The following SOX13 variants were observed in gnomAD, a reference collection of about 807,000 sequenced individuals.
The protein encoded by SOX13 is SRY-box transcription factor 13, also known as transcription factor SOX-13.
Under a neutral mutation model 71.8 loss-of-function variants are expected in SOX13, and 28 were observed. That is an observed-to-expected ratio of 0.39 (90% CI 0.29 to 0.53). The LOEUF (loss-of-function observed/expected upper bound fraction) is 0.53, where lower values mean the gene tolerates loss of function less well. Ranked by LOEUF, SOX13 falls within the 20% of genes least tolerant of loss-of-function variation. The pLI, the probability that SOX13 is intolerant of heterozygous loss-of-function variation, is 0.70. For synonymous variants in SOX13, 309 were observed against 317.8 expected (o/e 0.97, Z 0.29); for missense variants, 627 against 810.3 (o/e 0.77, Z 2.75).
chr1:204,122,850 A>T lies in SOX13; in HGVS notation c.1025-4A>T. 1 of 1,544,546 alleles carries T rather than the reference A, an allele frequency of 6.5e-7. No homozygotes were observed. Among genetic ancestry groups the T allele is most frequent in the Non-Finnish European group, 8.8e-7 (1 of 1,139,898 alleles). On this transcript the variant is annotated splice_polypyrimidine_tract_variant and splice_region_variant and intron_variant, in intron 9 of 13. Coordinates refer to ENST00000367204, the MANE Select transcript of SOX13 (RefSeq NM_005686.3). Reference sequence around the variant, plus strand: ...TCTTCCCTCTCTTCTGCCCTCTCCCACAGGCTTCCTTGGTGAAGGGGACGC... The same window carrying T: ...TCTTCCCTCTCTTCTGCCCTCTCCCTCAGGCTTCCTTGGTGAAGGGGACGC...
chr1:204,091,591 C>G (rs952137574), intron 1 of SOX13, among the ~76,000 whole-genome samples: 1 of 152,206 alleles, frequency 6.6e-6, no homozygotes, highest in Non-Finnish European at 1.5e-5. Context: ...GGAACAAAGC[C>G]TCTTTCCCAT....
chr1:204,116,870 G>A (rs1056322797), intron 5 of SOX13, among the ~76,000 whole-genome samples, 191 bp downstream of exon 5: 2 of 152,202 alleles, frequency 1.3e-5, no homozygotes, highest in African/African-American at 2.4e-5. Context: ...AGGGTTAGGG[G>A]TGGGAGGGTA....
At chr1:204,105,773 T>C (rs898779290) in intron 1 of SOX13, among the ~76,000 whole-genome samples, 1 of 152,104 alleles carries the variant, frequency 6.6e-6, no homozygotes, top group African/African-American at 2.4e-5. Flanking sequence ...GTTTCTCTGT[T>C]TATAAAATGT....
chr1:204,124,314 G>C (rs767265067), intron 12 of SOX13, among the ~76,000 whole-genome samples: 7 of 152,260 alleles, frequency 4.6e-5, no homozygotes, highest in Non-Finnish European at 7.3e-5. Context: ...CAGGGAGCCT[G>C]TCTGGGTTGT....
In SOX13 at chr1:204,126,322, G is replaced by T. The variant is rs1045919205; in HGVS notation, c.*188G>T. 6.7e-4 allele frequency: 445 copies of T among 664,010 alleles called. 2 individuals carry two copies. Among genetic ancestry groups the T allele is most frequent in the Non-Finnish European group, 1.2e-4 (49 of 392,060 alleles). 41.1% of individuals were successfully genotyped at this position (664,010 alleles called of 1,614,324 possible). A position where few individuals can be genotyped will look rare whatever the true frequency, so the allele number is the denominator to read the frequency against. On this transcript the variant is annotated 3_prime_UTR_variant, in exon 14 of 14. Coordinates refer to ENST00000367204, the MANE Select transcript of SOX13 (RefSeq NM_005686.3). ...GCCCTCCCTTCCTGAGGAGCTGTTG[G>T]CCTGGGTGGGCAGGAACTGCAGTAT...
chr1:204,100,702 C>T (rs549100709), intron 1 of SOX13, among the ~76,000 whole-genome samples: 15 of 151,570 alleles, frequency 9.9e-5, no homozygotes, highest in African/African-American at 1.9e-4. Context: ...AGAAAAAGAA[C>T]GGAACGCGTT....
chr1:204,107,951 T>A (rs1333790387), intron 1 of SOX13, among the ~76,000 whole-genome samples: 1 of 152,120 alleles, frequency 6.6e-6, no homozygotes, highest in African/African-American at 2.4e-5. Flanking sequence ...CCATTGTCTT[T>A]GTGCTGGAGG....
intron 7 of SOX13, among the ~76,000 whole-genome samples, chr1:204,120,297 G>C (rs949871104): frequency 3.9e-5 from 6 of 152,214 alleles, no homozygotes; most frequent in African/African-American, 1.4e-4. Flanking sequence ...GAGTGTGGAG[G>C]AGAGCTGTGG....
rs145623753 is a variant in SOX13, at chr1:204,126,395, C to T, written c.*261C>T. ...GCACCTCAGCCTTTAGGGCTTATGG[C>T]CAGGGGACACTGTATGACTCTCCTC... On this transcript the variant is annotated 3_prime_UTR_variant, in exon 14 of 14. Transcript: ENST00000367204. 2 of 533,426 alleles carry T rather than the reference C, an allele frequency of 3.7e-6. No homozygotes were observed. The highest frequency in any genetic ancestry group is 2.2e-5 in the South Asian group (1 of 45,720). 33.0% of individuals were successfully genotyped at this position (533,426 alleles called of 1,614,324 possible).
At chr1:204,113,801 G>C (rs559816800) in intron 2 of SOX13, among the ~76,000 whole-genome samples, 6 of 152,218 alleles carry the variant, frequency 3.9e-5, no homozygotes, top group South Asian at 2.1e-4. Flanking sequence ...AGGATGGGGA[G>C]GACTTTGACG....
rs75984092 is a variant in SOX13, at chr1:204,126,843, G to T, written c.*709G>T. On this transcript the variant is annotated 3_prime_UTR_variant, in exon 14 of 14. Transcript: ENST00000367204. ...TCCCCAAATTGCTACCTCTTTGTCAGTCTGGGTGTCTCAGGTTCTGTGTGT... is the reference window on the plus strand; with the variant it reads ...TCCCCAAATTGCTACCTCTTTGTCATTCTGGGTGTCTCAGGTTCTGTGTGT... 1,286 of 153,386 alleles carry T rather than the reference G, an allele frequency of 8.4e-3. 24 individuals are homozygous for T. Among genetic ancestry groups the T allele is most frequent in the African/African-American group, 0.029 (1,185 of 41,524 alleles). The allele number at this position is 153,386 out of a possible 1,614,324, so 9.5% of individuals were successfully genotyped here.
Position 204,124,626 on chromosome 1 carries a change from G to C in SOX13, c.1376-15G>C, listed in dbSNP as rs769255150. 5.0e-6 allele frequency: 8 copies of C among 1,596,754 alleles called. No individual in the cohort carries two copies. Among genetic ancestry groups the C allele is most frequent in the Middle Eastern group, 1.7e-4 (1 of 6,012 alleles). On this transcript the variant is annotated splice_polypyrimidine_tract_variant and intron_variant, in intron 12 of 13. Transcript: ENST00000367204. Reference sequence around the variant, plus strand: ...AGCCCAGCACTGACTGCCTGCCCCTGGGGGGTTGGGTCAGGATCTCGCTGG... The same window carrying C: ...AGCCCAGCACTGACTGCCTGCCCCTCGGGGGTTGGGTCAGGATCTCGCTGG...
At chr1:204,091,806 C>T (rs954487628) in intron 1 of SOX13, among the ~76,000 whole-genome samples, 2 of 151,922 alleles carry the variant, frequency 1.3e-5, no homozygotes, top group Non-Finnish European at 2.9e-5. Flanking sequence ...TGGTCTTGAA[C>T]TCCTGAGCTC....
chr1:204,111,908 TAAG>T (rs1386287594), intron 1 of SOX13, among the ~76,000 whole-genome samples: 1 of 152,202 alleles, frequency 6.6e-6, no homozygotes, highest in East Asian at 1.9e-4. Flanking sequence ...ATCTCCACTG[TAAG>T]AAGAAGACTA....
rs139923928 is a variant in SOX13, at chr1:204,112,248, T to G, written c.-1-667T>G. Among the ~76,000 whole-genome samples, 370 of 152,232 alleles carry G rather than the reference T, an allele frequency of 2.4e-3. 2 individuals are homozygous for G. Among genetic ancestry groups the G allele is most frequent in the African/African-American group, 8.5e-3 (352 of 41,538 alleles). On this transcript the variant is annotated intron_variant, in intron 1 of 13. Transcript: ENST00000367204. ...CTGAGGTCAGAAGTTGGAGACCAGC[T>G]TGGCCAACATGGCAAAACCCCATAT...
In SOX13 at chr1:204,103,376, A is replaced by G. The variant is rs1558215866; in HGVS notation, c.-1-9539A>G. 1.3e-5 allele frequency among the ~76,000 whole-genome samples: 2 copies of G among 152,214 alleles called. 1 individual carries two copies. The highest frequency in any genetic ancestry group is 2.9e-5 in the Non-Finnish European group (2 of 68,030). ...GAGTGGCCAGGGCATCAGCTGATAA[A>G]TGAAAGGATGTGGATTTAGACATCA... On this transcript the variant is annotated intron_variant, in intron 1 of 13. Coordinates refer to ENST00000367204, the MANE Select transcript of SOX13 (RefSeq NM_005686.3).
At chr1:204,112,527 A>T (rs940653) in intron 1 of SOX13, among the ~76,000 whole-genome samples, 11,770 of 147,790 alleles carry the variant, frequency 0.08, 550 homozygotes, top group Non-Finnish European at 0.097. Flanking sequence ...ACACACACAC[A>T]CTTTCTCTCT....
intron 1 of SOX13, among the ~76,000 whole-genome samples, chr1:204,088,785 G>A (rs1009065021): frequency 2.0e-5 from 3 of 152,106 alleles, no homozygotes; most frequent in South Asian, 2.1e-4. Context: ...CCACCACCTC[G>A]CCTCGTCAGG....
intron 1 of SOX13, 91 bp from the exon 2 acceptor site, chr1:204,112,824 T>C: frequency 2.0e-6 from 2 of 1,015,724 alleles, no homozygotes; most frequent in South Asian, 3.4e-5. Context: ...GGCACTTGGG[T>C]GGGGTCAGGG....
Sources: allele counts gnomAD v4.1 joint callset (sites outside exome capture counted in the v4.1 genomes callset), GRCh38; gene constraint gnomAD v4.1.1; transcripts MANE v1.5; gene names NCBI Gene and HGNC (gene_info 2026-07-23, HGNC 2026-07-21).